NTN1: variants seen among roughly 807,000 people sequenced by gnomAD.
NTN1 encodes the protein netrin-1.
NTN1 carries 11 observed loss-of-function variants against 54.2 expected under a neutral mutation model. The observed-to-expected ratio is 0.20, with a 90% CI of 0.13 to 0.34. NTN1 has a LOEUF of 0.34. Ranked by LOEUF, NTN1 falls within the 10% of genes least tolerant of loss-of-function variation. The pLI, the probability that NTN1 is intolerant of heterozygous loss-of-function variation, is 1.00. For synonymous variants in NTN1, 371 were observed against 382.0 expected, an observed-to-expected ratio of 0.97 and a Z score of 0.33; for missense variants, 740 against 893.1, an observed-to-expected ratio of 0.83 and a Z score of 2.18.
intron 6 of NTN1, among the ~76,000 whole-genome samples, chr17:9,223,932 A>G (rs1076372): frequency 0.6 from 90,763 of 151,988 alleles, 27,152 homozygotes; most frequent in African/African-American, 0.64. Flanking sequence ...TTGCTTGGGG[A>G]ATGGATTGTT....
chr17:9,223,736 T>A (rs1481942763), intron 6 of NTN1, among the ~76,000 whole-genome samples: 1 of 152,152 alleles, frequency 6.6e-6, no homozygotes, highest in Admixed American at 6.5e-5. Context: ...AAGGCTCTTG[T>A]AGCTTTCCTA....
At chr17:9,013,669 A>G in the NTN1 span, among the ~76,000 whole-genome samples, 1 of 152,206 alleles carries the variant, frequency 6.6e-6, no homozygotes, top group African/African-American at 2.4e-5. Context: ...TGTTGCCATC[A>G]GTCCAGTGTC....
chr17:9,113,028 A>G (rs56387482), intron 2 of NTN1, among the ~76,000 whole-genome samples: 2 of 143,344 alleles, frequency 1.4e-5, no homozygotes, highest in African/African-American at 2.6e-5. Context: ...AATTTTTTTT[A>G]TTTTTATTTT....
chr17:9,202,014 C>T (rs939934597), intron 5 of NTN1, among the ~76,000 whole-genome samples: 3 of 114,338 alleles, frequency 2.6e-5, no homozygotes, highest in East Asian at 2.6e-4. Flanking sequence ...GGTGAAACCC[C>T]GTCTCTACTA....
intron 2 of NTN1, among the ~76,000 whole-genome samples, chr17:9,093,610 G>A (rs560600345): frequency 9.9e-5 from 15 of 152,284 alleles, no homozygotes; most frequent in South Asian, 4.1e-4. Context: ...TCCTCCTGCC[G>A]CAGCCTCTCA....
chr17:9,149,498 G>C (rs2092321795), intron 2 of NTN1, among the ~76,000 whole-genome samples: 1 of 152,160 alleles, frequency 6.6e-6, no homozygotes, highest in Non-Finnish European at 1.5e-5. Context: ...ATGCTGCTGG[G>C]GGTCTGGAAA....
chr17:9,192,761 A>T (rs2142329202), intron 5 of NTN1, among the ~76,000 whole-genome samples: 1 of 152,254 alleles, frequency 6.6e-6, no homozygotes, highest in South Asian at 2.1e-4. Context: ...CACCATGCTG[A>T]ACTGAATGCA....
In NTN1 at chr17:9,242,282, C is replaced by T. The variant is rs1906239565; in HGVS notation, c.*2314C>T. 6.6e-6 allele frequency: 1 copy of T among 152,348 alleles called. No homozygotes were observed. Among genetic ancestry groups the T allele is most frequent in the Admixed American group, 6.5e-5 (1 of 15,290 alleles). The allele number at this position is 152,348 out of a possible 1,614,324, so 9.4% of individuals were successfully genotyped here. A position where few individuals can be genotyped will look rare whatever the true frequency, so the allele number is the denominator to read the frequency against. ...CCCTGGGAAGGGGCATTTGGCTTCC[C>T]TGAATCCAGCCCAAGGCTAGAAGAC... On this transcript the variant is annotated 3_prime_UTR_variant, in exon 7 of 7. Transcript: ENST00000173229.
At position 9,221,497 on chromosome 17, in the gene NTN1, CCTCTGGCTTTGA is replaced by C. The variant is rs1200037629; in HGVS notation, c.1486+261_1486+272del. On this transcript the variant is annotated intron_variant, in intron 6 of 6. Coordinates refer to ENST00000173229, the MANE Select transcript of NTN1 (RefSeq NM_004822.3). This position sits in a 1 kb window ranked among gnomAD's most constrained non-coding sequence, Gnocchi z 4.5. ...CCTGAGGCTGGGACACCCAGGCTGG[CCTCTGGCTTTGA>C]CTCTGCCGCTGATGGGCTGTGTGGC... 6.6e-6 allele frequency among the ~76,000 whole-genome samples: 1 copy of C among 152,228 alleles called. No homozygotes were observed. The highest frequency in any genetic ancestry group is 1.5e-5 in the Non-Finnish European group (1 of 68,026).
chr17:9,017,780 C>A (rs1341373455), upstream of NTN1, among the ~76,000 whole-genome samples: 6 of 152,336 alleles, frequency 3.9e-5, no homozygotes, highest in Middle Eastern at 0.01. Context: ...ATCACCGCCA[C>A]TTTAAGAACT....
intron 2 of NTN1, among the ~76,000 whole-genome samples, chr17:9,131,925 C>T (rs2092266773): frequency 6.6e-6 from 1 of 151,964 alleles, no homozygotes; most frequent in Admixed American, 6.6e-5. Flanking sequence ...GCCTCAACCT[C>T]CCTAATAGCC....
chr17:9,117,544 G>A (rs566376147), intron 2 of NTN1, among the ~76,000 whole-genome samples: 1 of 152,144 alleles, frequency 6.6e-6, no homozygotes, highest in East Asian at 1.9e-4. Context: ...AGGAGTTCGA[G>A]ACCAGCCTGG....
At chr17:9,177,258 CG>C (rs1226681530) in intron 3 of NTN1, 5 of 152,402 alleles carry the variant, frequency 3.3e-5, no homozygotes, top group Middle Eastern at 3.4e-3. Context: ...TTACCGGGGA[CG>C]GCCCTCACTC....
chr17:9,215,436 A>G (rs751828615), intron 5 of NTN1, among the ~76,000 whole-genome samples: 18 of 152,246 alleles, frequency 1.2e-4, no homozygotes, highest in Non-Finnish European at 2.1e-4. Context: ...CAGTAAGCAC[A>G]GAGATATCAA....
intron 2 of NTN1, among the ~76,000 whole-genome samples, chr17:9,137,910 C>T (rs1268457628): frequency 2.0e-5 from 3 of 152,162 alleles, no homozygotes; most frequent in South Asian, 2.1e-4. Context: ...GTGGATGTTT[C>T]GGGATGGCCA....
intron 6 of NTN1, among the ~76,000 whole-genome samples, chr17:9,234,272 G>A (rs1474517361): frequency 6.6e-6 from 1 of 152,204 alleles, no homozygotes; most frequent in Non-Finnish European, 1.5e-5. Flanking sequence ...CCCCAGAATT[G>A]CTGAGAGGGA....
chr17:9,031,991 AG>A (rs1295924536), intron 2 of NTN1, among the ~76,000 whole-genome samples: 2 of 151,550 alleles, frequency 1.3e-5, no homozygotes, highest in Admixed American at 1.3e-4. Flanking sequence ...AAAAAAAAAA[AG>A]AAAAGAAATG....
At chr17:9,014,890 C>T in the NTN1 span, among the ~76,000 whole-genome samples, 1 of 152,188 alleles carries the variant, frequency 6.6e-6, no homozygotes, top group Non-Finnish European at 1.5e-5. Context: ...CTAAGAGCTC[C>T]AAACTCTGGA....
intron 2 of NTN1, among the ~76,000 whole-genome samples, chr17:9,127,854 C>T (rs751263023): frequency 5.3e-5 from 8 of 151,826 alleles, no homozygotes; most frequent in South Asian, 2.1e-4. Context: ...CAGTGATGCA[C>T]GCCTGTAATC....
Sources: gnomAD v4.1 joint callset for allele counts (sites outside exome capture counted in the v4.1 genomes callset) on GRCh38, gnomAD v4.1.1 for gene constraint, Gnocchi (gnomAD v3.1) non-coding constraint, MANE v1.5 for transcripts, NCBI Gene and HGNC (gene_info 2026-07-23, HGNC 2026-07-21) for gene names.